Variants in IQSEC2 observed in about 807,000 individuals in gnomAD.
IQSEC2 encodes the protein IQ motif and Sec7 domain ArfGEF 2, also known as IQ motif and SEC7 domain-containing protein 2.
IQSEC2 carries 6 observed loss-of-function variants against 74.6 expected under a neutral mutation model. The observed-to-expected ratio is 0.08, with a 90% CI of 0.04 to 0.16. The LOEUF is 0.16. IQSEC2 is among the 10% of genes least tolerant of loss of function. The pLI, the probability that IQSEC2 is intolerant of heterozygous loss-of-function variation, is 1.00. For synonymous variants in IQSEC2, 494 were observed against 544.5 expected (o/e 0.91, Z 1.29); for missense variants, 734 against 1,306.2 (o/e 0.56, Z 6.75).
Position 53,320,950 on chromosome X carries a change from G to A in IQSEC2, c.174C>T (p.Asn58=). 6.0e-6 allele frequency: 7 copies of A among 1,161,945 alleles called. No homozygotes were observed. The highest frequency in any genetic ancestry group is 8.0e-6 in the Non-Finnish European group (7 of 872,580). The change falls in exon 1 of 15, where the codon AAC becomes AAT. Residue 58 remains asparagine (N), a synonymous_variant. Coordinates refer to ENST00000642864, the MANE Select transcript of IQSEC2 (RefSeq NM_001111125.3). ...GCTGGCTCTCCTCTCGCAGGTCGCG[G>A]TTCTCCTGGGTGAGCTGGTCCAGCT... ...EGQLDQLTQE[N]RDLREESQLH...
In IQSEC2 at chrX:53,319,781, A is replaced by G. The variant is rs781823563; in HGVS notation, c.707+636T>C. Among the ~76,000 whole-genome samples, 3 of 110,864 alleles carry G rather than the reference A, an allele frequency of 2.7e-5. No individual in the cohort carries two copies. The East Asian group carries it at 8.6e-4, about 32-fold the overall frequency. On this transcript the variant is annotated intron_variant, in intron 1 of 14. Coordinates refer to ENST00000642864, the MANE Select transcript of IQSEC2 (RefSeq NM_001111125.3). ...TTTAAATGGGTGTTGTTTTTCTTGA[A>G]GGGTGGAGAGGGGGTGGACTTTGAG...
At chrX:53,245,636 T>C (rs919451574) in intron 8 of IQSEC2, among the ~76,000 whole-genome samples, 4 of 110,288 alleles carry the variant, frequency 3.6e-5, no homozygotes, top group Admixed American at 2.9e-4. Flanking sequence ...TTTCTTTGAC[T>C]CTATTTCCCT....
At chrX:53,243,568 A>T in intron 8 of IQSEC2, 97 bp from the exon 9 acceptor site, 1 of 1,063,297 alleles carries the variant, frequency 9.4e-7, no homozygotes, top group South Asian at 2.6e-5. Flanking sequence ...GGGCCACGAT[A>T]GTCAGGACTG....
intron 1 of IQSEC2, among the ~76,000 whole-genome samples, chrX:53,308,245 A>C (rs2075287110): frequency 9.1e-6 from 1 of 109,691 alleles, no homozygotes; most frequent in Admixed American, 9.8e-5. Flanking sequence ...AGGGTGAATA[A>C]AAAACAGACC....
intron 2 of IQSEC2, among the ~76,000 whole-genome samples, chrX:53,289,726 T>A (rs1284080993): frequency 9.0e-6 from 1 of 111,237 alleles, no homozygotes; most frequent in African/African-American, 3.3e-5. Context: ...AGCCTGAGTT[T>A]GACCCTCGCT....
chrX:53,235,138 G>A lies in IQSEC2; in HGVS notation c.3548C>T (p.Pro1183Leu), dbSNP rs1302692296. The change falls in exon 15 of 15, where the codon CCG becomes CTG. Residue 1183 changes from proline (P) to leucine (L), a missense_variant. Transcript: ENST00000642864. ...CTCCTCTGGCGGCGGGGGTGGGGGCGGAGGTGGCATCCTCTGGTGAGGGCG... is the reference window on the plus strand; with the variant it reads ...CTCCTCTGGCGGCGGGGGTGGGGGCAGAGGTGGCATCCTCTGGTGAGGGCG... ...SPRPHQRMPP[P>L]PPPPPPEEYK... 2 of 1,126,132 alleles carry A rather than the reference G, an allele frequency of 1.8e-6. No individual in the cohort carries two copies. The highest frequency in any genetic ancestry group is 2.4e-6 in the Non-Finnish European group (2 of 844,754). The allele number at this position is 1,126,132 out of a possible 1,213,427, so 92.8% of individuals were successfully genotyped here.
intron 2 of IQSEC2, among the ~76,000 whole-genome samples, chrX:53,275,554 A>AT (rs1556869365): frequency 2.9e-4 from 32 of 111,201 alleles, no homozygotes; most frequent in African/African-American, 1.0e-3. Context: ...TTGACTCCCC[A>AT]CTGATTTGAG....
chrX:53,250,395 G>A lies in IQSEC2; in HGVS notation c.2181C>T (p.Thr727=), dbSNP rs782731808. 21 of 1,209,995 alleles carry A rather than the reference G, an allele frequency of 1.7e-5. No individual in the cohort carries two copies. Among genetic ancestry groups the A allele is most frequent in the Non-Finnish European group, 2.1e-5 (19 of 894,895 alleles). ...SRDSLREPPA[T]GLCKQTYQRE... is the part of the protein sequence containing the mutation. The stretch of plus-strand genomic sequence containing the variant: ...GCTGGTAAGTCTGCTTGCACAGGCC[G>A]GTAGCCGGAGGCTCCCTTAGACTGT... Residue 727 remains threonine, a synonymous_variant, in exon 5 of 15, where the codon ACC becomes ACT. Coordinates refer to ENST00000642864, the MANE Select transcript of IQSEC2 (RefSeq NM_001111125.3).
chrX:53,248,103 G>T lies in IQSEC2; in HGVS notation c.2582+11C>A, dbSNP rs782764289. ...GGGAGGGGCAGCTTCGCGAGTGGGA[G>T]GTAGGCACACCTGAAGGCTTCGATG... On this transcript the variant is annotated intron_variant, in intron 7 of 14. Transcript: ENST00000642864. 6.4e-5 allele frequency: 78 copies of T among 1,209,418 alleles called. No homozygotes were observed. Among genetic ancestry groups the T allele is most frequent in the Non-Finnish European group, 8.3e-5 (74 of 894,906 alleles).
rs181696611 is a variant in IQSEC2, at chrX:53,273,781, T to C, written c.738-17720A>G. The stretch of plus-strand genomic sequence containing the variant: ...GAGTATATACAGAGCTACCTTTTCT[T>C]TGGATCTGCTACAGAGTAATCCATA... On this transcript the variant is annotated intron_variant, in intron 2 of 14. Coordinates refer to ENST00000642864, the MANE Select transcript of IQSEC2 (RefSeq NM_001111125.3). Among the ~76,000 whole-genome samples, 75 of 112,454 alleles carry C rather than the reference T, an allele frequency of 6.7e-4. 1 individual carries two copies. The highest frequency in any genetic ancestry group is 2.4e-3 in the African/African-American group (75 of 30,972).
chrX:53,319,283 C>T (rs2075406217), intron 1 of IQSEC2, among the ~76,000 whole-genome samples: 1 of 112,439 alleles, frequency 8.9e-6, no homozygotes, highest in Non-Finnish European at 1.9e-5. Context: ...TACAGGACTT[C>T]AGACTTGCTC....
At chrX:53,280,582 G>C (rs782088651) in intron 2 of IQSEC2, among the ~76,000 whole-genome samples, 2 of 110,225 alleles carry the variant, frequency 1.8e-5, no homozygotes, top group Non-Finnish European at 3.8e-5. Flanking sequence ...TTCCAGGTAG[G>C]AGTCTTTTGC....
At chrX:53,256,115 T>C in intron 2 of IQSEC2, 54 bp from the exon 3 acceptor site, 2 of 1,066,849 alleles carry the variant, frequency 1.9e-6, no homozygotes, top group Admixed American at 3.2e-5. Context: ...AGGGGCCTAC[T>C]GGGCCATACT....
In IQSEC2 at chrX:53,320,475, C is replaced by G; in HGVS notation, c.649G>C (p.Ala217Pro). The G allele has an allele frequency of 8.6e-7, 1 of 1,165,770 alleles. No homozygotes were observed. Among genetic ancestry groups the G allele is most frequent in the South Asian group, 1.9e-5 (1 of 52,691 alleles). ...GTACTGGTGCTGTGGCCTCCGCCGG[C>G]GCCGGGACTGGAGCTCCTGGATGCG... is the stretch of plus-strand genomic sequence containing the variant. The part of the protein sequence containing the change: ...RGASRSSSPG[A>P]GGGHSTSTST... The change falls in exon 1 of 15, where the codon GCC becomes CCC. Residue 217 changes from alanine (A) to proline (P), a missense_variant. Around this residue, in one of 12 missense-constraint regions of IQSEC2, gnomAD observed 134 missense variants for 214.9 expected, o/e 0.62. Transcript: ENST00000642864.
Position 53,292,743 on chromosome X carries a change from G to C in IQSEC2, c.708-819C>G, listed in dbSNP as rs146214108. On this transcript the variant is annotated intron_variant, in intron 1 of 14. Transcript: ENST00000642864. ...CTCCCACCACGCCTTCCCAAGAAGA[G>C]TGTGAGAGTGTATACGTGAGTGCAC... Among the ~76,000 whole-genome samples, 664 of 111,794 alleles carry C rather than the reference G, an allele frequency of 5.9e-3. 6 individuals are homozygous for C. Among genetic ancestry groups the C allele is most frequent in the Admixed American group, 0.011 (122 of 10,616 alleles).
chrX:53,237,969 T>C, intron 12 of IQSEC2, 176 bp downstream of exon 12: 1 of 515,337 alleles, frequency 1.9e-6, no homozygotes. Flanking sequence ...GGTTGGGAGG[T>C]AATGAGCCCC....
intron 2 of IQSEC2, among the ~76,000 whole-genome samples, chrX:53,282,046 T>A (rs1404552739): frequency 2.7e-5 from 3 of 112,192 alleles, no homozygotes; most frequent in African/African-American, 9.7e-5. Context: ...GAGACTATGT[T>A]TAGGAGTTGT....
At chrX:53,318,433 G>A (rs986279872) in intron 1 of IQSEC2, among the ~76,000 whole-genome samples, 1 of 112,274 alleles carries the variant, frequency 8.9e-6, no homozygotes, top group African/African-American at 3.2e-5. Flanking sequence ...TGGAGCTCAG[G>A]AGCAAACAGG....
rs150723819 is a variant in IQSEC2 at position 53,293,126 on chromosome X, G to A, written c.708-1202C>T. 5.3e-3 allele frequency among the ~76,000 whole-genome samples: 595 copies of A among 112,273 alleles called. 6 individuals carry two copies. The highest frequency in any genetic ancestry group is 0.018 in the African/African-American group (569 of 30,933). ...AGAGGAGCAGGTGGGCCTCAGAAGG[G>A]AGCATTTGTTGAAAGAATGAAAGGA... On this transcript the variant is annotated intron_variant, in intron 1 of 14. Coordinates refer to ENST00000642864, the MANE Select transcript of IQSEC2 (RefSeq NM_001111125.3).
Sources: gnomAD v4.1 joint callset for allele counts (sites outside exome capture counted in the v4.1 genomes callset) on GRCh38, gnomAD v4.1.1 for gene constraint, gnomAD v4.1.1 regional missense constraint, MANE v1.5 for transcripts, NCBI Gene and HGNC (gene_info 2026-07-23, HGNC 2026-07-21) for gene names.